LHFPL3: variants seen among roughly 807,000 people sequenced by gnomAD.
The protein encoded by LHFPL3 is LHFPL tetraspan subfamily member 3 protein.
A neutral mutation model predicts 19.3 loss-of-function variants in LHFPL3; 5 were observed. The ratio of observed to expected loss-of-function variants is 0.26; its 90% CI spans 0.14 to 0.54. The LOEUF (loss-of-function observed/expected upper bound fraction) is 0.54. LHFPL3 is among the 20% of genes least tolerant of loss of function. LHFPL3 has a pLI of 0.94. For missense variants in LHFPL3, 249 were observed against 307.4 expected (o/e 0.81, Z 1.42); for synonymous variants, 133 against 126.2 (o/e 1.05, Z -0.36).
rs144462430 is a variant in LHFPL3 at position 104,684,899 on chromosome 7, C to G, written c.446-51776C>G. On this transcript the variant is annotated intron_variant, in intron 1 of 2. Transcript: ENST00000424859. ...AAGTATACTCCTGATCTCCACCGCC[C>G]AGGGCACCACTTGCCCTCTTTTGAG... 1.1e-3 allele frequency among the ~76,000 whole-genome samples: 175 copies of G among 152,316 alleles called. 1 individual carries two copies. The highest frequency in any genetic ancestry group is 3.6e-3 in the African/African-American group (150 of 41,578).
chr7:104,807,671 A>G (rs1228043288), intron 2 of LHFPL3, among the ~76,000 whole-genome samples: 1 of 152,192 alleles, frequency 6.6e-6, no homozygotes, highest in African/African-American at 2.4e-5. Flanking sequence ...ATGAAGTCGC[A>G]GAAAAGAAGG....
intron 1 of LHFPL3, among the ~76,000 whole-genome samples, chr7:104,670,187 A>G (rs541084576): frequency 4.0e-5 from 6 of 149,046 alleles, no homozygotes; most frequent in East Asian, 2.0e-4. Context: ...GAGTGAGACT[A>G]TAGGCCATAA....
intron 2 of LHFPL3, among the ~76,000 whole-genome samples, chr7:104,886,313 G>A (rs560215199): frequency 8.5e-5 from 13 of 152,258 alleles, no homozygotes; most frequent in African/African-American, 2.4e-4. Context: ...CCACTAACTC[G>A]TGGCTCAAAG....
At chr7:104,614,535 A>G (rs57096895) in intron 1 of LHFPL3, among the ~76,000 whole-genome samples, 26 of 151,868 alleles carry the variant, frequency 1.7e-4, no homozygotes, top group African/African-American at 5.8e-4. Context: ...CTTTCTTCCA[A>G]ATTCCTCCAG....
intron 1 of LHFPL3, among the ~76,000 whole-genome samples, chr7:104,446,107 T>C (rs1792326070): frequency 6.6e-6 from 1 of 152,190 alleles, no homozygotes; most frequent in African/African-American, 2.4e-5. Context: ...TCTATGAATT[T>C]TTTCCTCAAG....
At chr7:104,754,790 G>C (rs899650288) in intron 2 of LHFPL3, among the ~76,000 whole-genome samples, 1 of 152,200 alleles carries the variant, frequency 6.6e-6, no homozygotes, top group Non-Finnish European at 1.5e-5. Context: ...GGAGCATGGT[G>C]ATGGTTAATT....
chr7:104,674,372 C>CCT (rs1562963123), intron 1 of LHFPL3, among the ~76,000 whole-genome samples: 2 of 134,702 alleles, frequency 1.5e-5, no homozygotes, highest in Non-Finnish European at 3.2e-5. Flanking sequence ...TTTTCTTTTT[C>CCT]TTTTTTTTTT....
chr7:104,873,934 T>C (rs1466176949), intron 2 of LHFPL3, among the ~76,000 whole-genome samples: 4 of 152,268 alleles, frequency 2.6e-5, no homozygotes, highest in Admixed American at 1.3e-4. Flanking sequence ...GCAGAAATGG[T>C]GGGGGCAGGG....
chr7:104,434,699 C>G (rs1388652955), intron 1 of LHFPL3, among the ~76,000 whole-genome samples: 2 of 152,110 alleles, frequency 1.3e-5, no homozygotes, highest in Non-Finnish European at 2.9e-5. Context: ...AATCAGACAG[C>G]TAGTGTGCAA....
At chr7:104,810,700 C>T (rs887810244) in intron 2 of LHFPL3, among the ~76,000 whole-genome samples, 2 of 152,154 alleles carry the variant, frequency 1.3e-5, no homozygotes, top group African/African-American at 2.4e-5. Context: ...ATTGGGACAA[C>T]ATAGCTTGTA....
intron 2 of LHFPL3, among the ~76,000 whole-genome samples, chr7:104,903,433 T>G (rs1792532675): frequency 6.6e-6 from 1 of 151,528 alleles, no homozygotes; most frequent in South Asian, 2.1e-4. Context: ...TGGCCCTCTG[T>G]GGTCTCCCTA....
At chr7:104,558,919 C>T (rs1789923120) in intron 1 of LHFPL3, among the ~76,000 whole-genome samples, 1 of 146,354 alleles carries the variant, frequency 6.8e-6, no homozygotes, top group African/African-American at 2.7e-5. Flanking sequence ...TTTCCCAGCA[C>T]CATTTATTAA....
intron 1 of LHFPL3, among the ~76,000 whole-genome samples, chr7:104,374,302 C>T (rs1328831414): frequency 6.6e-6 from 1 of 151,362 alleles, no homozygotes; most frequent in African/African-American, 2.4e-5. Context: ...AGTACAATGG[C>T]GTGATCTTGG....
At chr7:104,826,980 C>T (rs1009171307) in intron 2 of LHFPL3, among the ~76,000 whole-genome samples, 1 of 151,922 alleles carries the variant, frequency 6.6e-6, no homozygotes, top group African/African-American at 2.4e-5. Context: ...GTGGAAGAAG[C>T]CCTTTTGTAC....
At chr7:104,382,982 C>T (rs1165135439) in intron 1 of LHFPL3, among the ~76,000 whole-genome samples, 4 of 152,242 alleles carry the variant, frequency 2.6e-5, no homozygotes. Context: ...ATTATTTGCC[C>T]CCATTTGCAG....
At chr7:104,425,003 AAAG>A (rs1251167626) in intron 1 of LHFPL3, among the ~76,000 whole-genome samples, 10 of 147,794 alleles carry the variant, frequency 6.8e-5, no homozygotes, top group East Asian at 1.9e-4. Flanking sequence ...AAAAAAAAAA[AAAG>A]AAGTATCTGA....
chr7:104,638,446 C>T (rs1038297546), intron 1 of LHFPL3, among the ~76,000 whole-genome samples: 3 of 151,900 alleles, frequency 2.0e-5, no homozygotes, highest in Non-Finnish European at 4.4e-5. Flanking sequence ...AGTGGTGAGA[C>T]AGGGCATCCT....
intron 1 of LHFPL3, among the ~76,000 whole-genome samples, chr7:104,441,817 G>A (rs575222462): frequency 4.7e-4 from 71 of 152,180 alleles, no homozygotes; most frequent in Middle Eastern, 3.4e-3. Flanking sequence ...CTCATGATCC[G>A]CCCACCTCGG....
At chr7:104,366,226 G>A (rs1282636057) in intron 1 of LHFPL3, among the ~76,000 whole-genome samples, 1 of 152,174 alleles carries the variant, frequency 6.6e-6, no homozygotes. Context: ...CAATAAAGAT[G>A]AGGCCCTAAA....
Sources: allele counts gnomAD v4.1 joint callset (sites outside exome capture counted in the v4.1 genomes callset), GRCh38; gene constraint gnomAD v4.1.1; transcripts MANE v1.5; gene names NCBI Gene and HGNC (gene_info 2026-07-23, HGNC 2026-07-21).